Variants in MAP4K5 observed in about 807,000 individuals in gnomAD.
The protein encoded by MAP4K5 is mitogen-activated protein kinase kinase kinase kinase 5.
In MAP4K5, 82 loss-of-function variants were observed where a neutral mutation model predicts 135.6. That is an observed-to-expected ratio of 0.60 (90% CI 0.51 to 0.73). MAP4K5 has a LOEUF of 0.73. Among genes scored for constraint, MAP4K5 ranks in the 30% least tolerant of loss-of-function variants. The pLI, the probability that MAP4K5 is intolerant of heterozygous loss-of-function variation, is 0.00. For missense variants in MAP4K5, 907 were observed against 1,010.9 expected (o/e 0.90, Z 1.39); for synonymous variants, 347 against 335.0 (o/e 1.04, Z -0.39).
Position 50,476,184 on chromosome 14 carries a change from A to G in MAP4K5, c.427-14T>C. 1 of 1,498,658 alleles carries G rather than the reference A, an allele frequency of 6.7e-7. No homozygotes were observed. The highest frequency in any genetic ancestry group is 1.4e-5 in the African/African-American group (1 of 71,624). 92.8% of individuals were successfully genotyped at this position (1,498,658 alleles called of 1,614,324 possible). A position where few individuals can be genotyped will look rare whatever the true frequency, so the allele number is the denominator to read the frequency against. On this transcript the variant is annotated splice_polypyrimidine_tract_variant and intron_variant, in intron 7 of 32. Transcript: ENST00000682126. ...AATATTAGCACCCTAGAACAAAAAT[A>G]CAAATACAATTAAATTAGCATCATA... is the stretch of plus-strand genomic sequence containing the variant.
chr14:50,525,336 T>A (rs1374332954), intron 2 of MAP4K5, among the ~76,000 whole-genome samples: 1 of 152,214 alleles, frequency 6.6e-6, no homozygotes, highest in Admixed American at 6.5e-5. Flanking sequence ...ATTACCCTTC[T>A]CCTCCTGCCC....
At chr14:50,520,543 C>T (rs549635419) in intron 2 of MAP4K5, among the ~76,000 whole-genome samples, 1 of 152,148 alleles carries the variant, frequency 6.6e-6, no homozygotes, top group South Asian at 2.1e-4. Context: ...CTCAGGCAGT[C>T]CTAATTATCC....
intron 26 of MAP4K5, among the ~76,000 whole-genome samples, chr14:50,435,692 A>G (rs913981362): frequency 1.5e-4 from 23 of 152,132 alleles, no homozygotes; most frequent in African/African-American, 5.3e-4. Context: ...GGAGGCAACT[A>G]AAATGCACCT....
intron 1 of MAP4K5, among the ~76,000 whole-genome samples, chr14:50,550,988 G>T (rs1263686843): frequency 6.6e-6 from 1 of 151,126 alleles, no homozygotes; most frequent in Non-Finnish European, 1.5e-5. Flanking sequence ...AGAGAAACAA[G>T]AACCAAACCC....
In MAP4K5 at chr14:50,428,767, AAAC is replaced by A. The variant is rs750378770; in HGVS notation, c.2234-16_2234-14del. The A allele has an allele frequency of 7.3e-5, 98 of 1,334,276 alleles. No individual in the cohort carries two copies. The highest frequency in any genetic ancestry group is 2.1e-4 in the East Asian group (8 of 38,982). 82.7% of individuals were successfully genotyped at this position (1,334,276 alleles called of 1,614,324 possible). A position where few individuals can be genotyped will look rare whatever the true frequency, so the allele number is the denominator to read the frequency against. On this transcript the variant is annotated splice_polypyrimidine_tract_variant and intron_variant, in intron 29 of 32. Coordinates refer to ENST00000682126, the MANE Select transcript of MAP4K5 (RefSeq NM_006575.6). ...ATTTTCACAAATTCTTAAAAAAAAAAAACAAGTCAAGACTGGACATGCAAATCT... is the reference window on the plus strand; with the variant it reads ...ATTTTCACAAATTCTTAAAAAAAAAAAAGTCAAGACTGGACATGCAAATCT...
chr14:50,485,867 A>C (rs1371836926), intron 4 of MAP4K5: 29 of 537,940 alleles, frequency 5.4e-5, no homozygotes, highest in Middle Eastern at 4.7e-4. Context: ...TAAAACACTT[A>C]CTTGTAATCA....
At chr14:50,533,501 G>C (rs1398528445), upstream of MAP4K5, 1 of 152,170 alleles carries the variant, frequency 6.6e-6, no homozygotes, top group Non-Finnish European at 1.5e-5. Flanking sequence ...GTTCGGGGAA[G>C]TAATTTGGCT....
At chr14:50,501,069 T>C (rs2037696383) in intron 3 of MAP4K5, among the ~76,000 whole-genome samples, 1 of 152,130 alleles carries the variant, frequency 6.6e-6, no homozygotes, top group Admixed American at 6.6e-5. Flanking sequence ...TAATTGGTCA[T>C]GGCATTTATA....
chr14:50,421,017 A>G (rs1029407217), intron 32 of MAP4K5, among the ~76,000 whole-genome samples: 1 of 152,164 alleles, frequency 6.6e-6, no homozygotes, highest in South Asian at 2.1e-4. Context: ...AAAACTGCAC[A>G]TAACACTTAT....
At position 50,559,513 on chromosome 14, in the gene MAP4K5, A is replaced by T. The variant is rs141701567; in HGVS notation, c.-180+1527T>A. 6 of 152,356 alleles carry T rather than the reference A, an allele frequency of 3.9e-5. No individual in the cohort carries two copies. The East Asian group carries it at 1.2e-3, about 29-fold the overall frequency. 9.4% of individuals were successfully genotyped at this position (152,356 alleles called of 1,614,324 possible). The stretch of plus-strand genomic sequence containing the variant: ...TACCCAGACTATGTAGTATGATTTC[A>T]GCTCAAATAATTGCTATTGGACTAT... On this transcript the variant is annotated intron_variant, in intron 1 of 8. Coordinates refer to the MAP4K5 transcript ENST00000555216.
chr14:50,495,401 T>A (rs1283724708), intron 3 of MAP4K5, among the ~76,000 whole-genome samples: 1 of 152,040 alleles, frequency 6.6e-6, no homozygotes, highest in Non-Finnish European at 1.5e-5. Context: ...TGGCTACAAT[T>A]AAAAAAAGCA....
intron 2 of MAP4K5, among the ~76,000 whole-genome samples, chr14:50,509,486 A>G (rs1440525436): frequency 1.3e-5 from 2 of 152,162 alleles, no homozygotes; most frequent in Admixed American, 6.5e-5. Context: ...TTCACATTAA[A>G]TTTCTCCGTG....
chr14:50,437,747 C>T (rs1339810332), intron 25 of MAP4K5, 147 bp downstream of exon 25: 5 of 662,866 alleles, frequency 7.5e-6, no homozygotes, highest in African/African-American at 1.8e-5. Flanking sequence ...GTTCAGAAAA[C>T]GTTCAGCTTT....
At chr14:50,463,683 A>G (rs1459188705) in intron 12 of MAP4K5, among the ~76,000 whole-genome samples, 3 of 152,072 alleles carry the variant, frequency 2.0e-5, no homozygotes, top group African/African-American at 7.2e-5. Context: ...CAGGAGTTCA[A>G]GACCAGCTTG....
chr14:50,512,219 CTATT>C (rs1566687586), intron 2 of MAP4K5, among the ~76,000 whole-genome samples: 2 of 151,942 alleles, frequency 1.3e-5, no homozygotes, highest in Admixed American at 1.3e-4. Flanking sequence ...AAAAAATTGT[CTATT>C]AATTTAAAGA....
At chr14:50,441,743 TACACACACACACACACACACAC>T (rs57651486) in intron 21 of MAP4K5, among the ~76,000 whole-genome samples, 3,875 of 141,612 alleles carry the variant, frequency 0.027, 113 homozygotes, top group East Asian at 0.074. Flanking sequence ...AATTATTTTA[TACACACACACACACACACACAC>T]ACACACACAC....
chr14:50,534,085 G>A (rs143223336), upstream of MAP4K5, among the ~76,000 whole-genome samples: 292 of 152,172 alleles, frequency 1.9e-3, 2 homozygotes, highest in Non-Finnish European at 3.4e-3. Context: ...TGTTCTATTG[G>A]TATCTTAGCA....
At chr14:50,486,543 AT>A (rs1330209019) in intron 3 of MAP4K5, among the ~76,000 whole-genome samples, 32 of 152,314 alleles carry the variant, frequency 2.1e-4, no homozygotes, top group African/African-American at 7.2e-4. Context: ...ATTATATATT[AT>A]TTAAGTATAT....
chr14:50,535,791 A>G (rs1595561695), upstream of MAP4K5, among the ~76,000 whole-genome samples: 2 of 152,152 alleles, frequency 1.3e-5, no homozygotes, highest in South Asian at 4.1e-4. Context: ...TGATCATCAG[A>G]TATGTTACTG....
Sources: gnomAD v4.1 joint callset for allele counts (sites outside exome capture counted in the v4.1 genomes callset) on GRCh38, gnomAD v4.1.1 for gene constraint, MANE v1.5 for transcripts, NCBI Gene and HGNC (gene_info 2026-07-23, HGNC 2026-07-21) for gene names.